The following MYO5A variants were observed in gnomAD, a reference collection of about 807,000 sequenced individuals.
MYO5A encodes myosin VA, also known as unconventional myosin-Va.
In MYO5A, 98 loss-of-function variants were observed where a neutral mutation model predicts 249.7. That is an observed-to-expected ratio of 0.39 (90% CI 0.33 to 0.46). The LOEUF (loss-of-function observed/expected upper bound fraction) is 0.46, where lower values mean the gene tolerates loss of function less well. Among genes scored for constraint, MYO5A ranks in the 20% least tolerant of loss-of-function variants. The pLI is 0.98. For synonymous variants in MYO5A, 778 were observed against 810.6 expected (o/e 0.96, Z 0.68); for missense variants, 1,696 against 2,308.8 (o/e 0.73, Z 5.44).
intron 15 of MYO5A, 23 bp downstream of exon 15, chr15:52,384,138 C>T (rs1161200890): frequency 1.9e-6 from 3 of 1,613,662 alleles, no homozygotes; most frequent in Admixed American, 1.7e-5. Context: ...AGGAGCGTGG[C>T]AGCGGCAGCT....
chr15:52,397,572 T>G (rs922579922), intron 9 of MYO5A, 106 bp from the exon 10 acceptor site: 18 of 1,344,108 alleles, frequency 1.3e-5, no homozygotes, highest in Non-Finnish European at 1.8e-5. Context: ...AATTTCTTTG[T>G]TATAACAAAC....
intron 1 of MYO5A, among the ~76,000 whole-genome samples, chr15:52,472,409 T>C (rs185039408): frequency 2.6e-5 from 4 of 152,204 alleles, no homozygotes; most frequent in African/African-American, 9.6e-5. Context: ...TTTTTTTTTA[T>C]TATACTTTAA....
chr15:52,348,279 A>C (rs1275348972), intron 29 of MYO5A, among the ~76,000 whole-genome samples: 1 of 146,224 alleles, frequency 6.8e-6, no homozygotes, highest in South Asian at 2.3e-4. Context: ...AAATTCCAGC[A>C]ATATCTGTCA....
intron 40 of MYO5A, among the ~76,000 whole-genome samples, chr15:52,314,626 T>C (rs2037904034): frequency 6.6e-6 from 1 of 152,220 alleles, no homozygotes; most frequent in Non-Finnish European, 1.5e-5. Flanking sequence ...GCAACTTTTC[T>C]CCATATAAAA....
At chr15:52,385,979 G>A (rs2141143491) in intron 14 of MYO5A, among the ~76,000 whole-genome samples, 1 of 152,252 alleles carries the variant, frequency 6.6e-6, no homozygotes, top group East Asian at 1.9e-4. Flanking sequence ...AAGCCAATTA[G>A]AAAACTAAAT....
chr15:52,321,516 T>C lies in MYO5A; in HGVS notation c.4801-7A>G, dbSNP rs776140403. The C allele has an allele frequency of 1.2e-6, 2 of 1,613,960 alleles. No individual in the cohort carries two copies. The highest frequency in any genetic ancestry group is 2.2e-5 in the East Asian group (1 of 44,864). ...TGTTGTGCTTCATAAAGCCCTAGAG[T>C]CATAAGGCAAAGTTAATGATACACA... On this transcript the variant is annotated splice_polypyrimidine_tract_variant and splice_region_variant and intron_variant, in intron 37 of 41. Transcript: ENST00000399233.
Position 52,394,080 on chromosome 15 carries a change from T to G in MYO5A, c.1402-2010A>C, listed in dbSNP as rs1247139176. Among the ~76,000 whole-genome samples, 7 of 152,198 alleles carry G rather than the reference T, an allele frequency of 4.6e-5. No homozygotes were observed. The East Asian group carries it at 1.3e-3, about 29-fold the overall frequency. On this transcript the variant is annotated intron_variant, in intron 11 of 41. Transcript: ENST00000399233. The stretch of plus-strand genomic sequence containing the variant: ...CATGAAGTTCAATATGGCAAGAGAT[T>G]CTTGGTCAATATAGTAATGCCTTCA...
intron 1 of MYO5A, among the ~76,000 whole-genome samples, chr15:52,509,774 C>T (rs2077352025): frequency 6.6e-6 from 1 of 152,164 alleles, no homozygotes. Context: ...AAAATCACTA[C>T]ATGGCCTGAA....
chr15:52,433,381 GA>G (rs1567121700), intron 1 of MYO5A, 96 bp from the exon 2 acceptor site: 2 of 460,266 alleles, frequency 4.3e-6, no homozygotes, highest in South Asian at 2.4e-5. Flanking sequence ...AACAATTTAT[GA>G]AAAAAGAAAT....
At chr15:52,316,777 G>A (rs372154153) in intron 40 of MYO5A, among the ~76,000 whole-genome samples, 4 of 152,200 alleles carry the variant, frequency 2.6e-5, no homozygotes, top group East Asian at 1.9e-4. Context: ...GCCTATGGGT[G>A]TATCCCAGTG....
At chr15:52,380,334 G>A (rs2041670028) in intron 16 of MYO5A, among the ~76,000 whole-genome samples, 1 of 152,028 alleles carries the variant, frequency 6.6e-6, no homozygotes, top group Admixed American at 6.6e-5. Flanking sequence ...TACTTGGGAG[G>A]CTGAGGCAGG....
At chr15:52,500,026 G>A (rs938977706) in intron 1 of MYO5A, among the ~76,000 whole-genome samples, 11 of 152,072 alleles carry the variant, frequency 7.2e-5, no homozygotes, top group Non-Finnish European at 7.4e-5. Flanking sequence ...GCACTTCAGC[G>A]TAGGTGACAG....
chr15:52,381,213 T>A lies in MYO5A; in HGVS notation c.2013-1305A>T, dbSNP rs186378281. ...TGTTGGTGGTGGAAGAGCGGGTTGG[T>A]TGATAAAAGGTCATGGTCCTGAGGG... On this transcript the variant is annotated intron_variant, in intron 16 of 41. Coordinates refer to ENST00000399233, the MANE Select transcript of MYO5A (RefSeq NM_001382347.1). Among the ~76,000 whole-genome samples the A allele has an allele frequency of 1.8e-4, 28 of 152,130 alleles. No individual in the cohort carries two copies. The East Asian group carries it at 5.4e-3, about 29-fold the overall frequency.
chr15:52,505,940 G>T (rs1350997658), intron 1 of MYO5A: 2 of 1,293,748 alleles, frequency 1.5e-6, no homozygotes, highest in Admixed American at 2.4e-5. Flanking sequence ...TTGGCTGGGC[G>T]CAGTGGCTCA....
At position 52,349,955 on chromosome 15, in the gene MYO5A, C is replaced by T. The variant is rs541184968; in HGVS notation, c.3850-1129G>A. ...GATTATGATTATGATTAGTTTGAGA[C>T]GGAGTCTCACTCTATCGCCCAGGCG... On this transcript the variant is annotated intron_variant, in intron 28 of 41. Coordinates refer to ENST00000399233, the MANE Select transcript of MYO5A (RefSeq NM_001382347.1). 1.7e-4 allele frequency among the ~76,000 whole-genome samples: 26 copies of T among 149,314 alleles called. 1 individual carries two copies. In the East Asian group the frequency reaches 3.7e-3, roughly 21 times the overall value.
intron 1 of MYO5A, among the ~76,000 whole-genome samples, chr15:52,518,799 G>A (rs563574808): frequency 6.6e-6 from 1 of 152,250 alleles, no homozygotes; most frequent in African/African-American, 2.4e-5. Context: ...ACATAAACAT[G>A]CTCACAAACA....
intron 1 of MYO5A, among the ~76,000 whole-genome samples, chr15:52,455,668 A>C (rs2076103164): frequency 6.6e-6 from 1 of 152,166 alleles, no homozygotes. Flanking sequence ...TACACAAATC[A>C]ATAAATGTAA....
chr15:52,377,864 C>T (rs2041506441), intron 18 of MYO5A, among the ~76,000 whole-genome samples: 1 of 152,156 alleles, frequency 6.6e-6, no homozygotes, highest in South Asian at 2.1e-4. Flanking sequence ...AGCCACCATG[C>T]TTGGCCATGT....
At chr15:52,321,579 T>C in intron 37 of MYO5A, 70 bp from the exon 38 acceptor site, 6 of 1,527,350 alleles carry the variant, frequency 3.9e-6, no homozygotes, top group Non-Finnish European at 5.4e-6. Flanking sequence ...TATCTCCAAT[T>C]TGATCAGCAT....
Sources: gnomAD v4.1 joint callset for allele counts (sites outside exome capture counted in the v4.1 genomes callset) on GRCh38, gnomAD v4.1.1 for gene constraint, MANE v1.5 for transcripts, NCBI Gene and HGNC (gene_info 2026-07-23, HGNC 2026-07-21) for gene names.